Variants in EIF2B3 observed in about 807,000 individuals in gnomAD.
EIF2B3 encodes the protein translation initiation factor eIF2B subunit gamma.
Under a neutral mutation model 54.1 loss-of-function variants are expected in EIF2B3, and 20 were observed. That is an observed-to-expected ratio of 0.37 (90% CI 0.26 to 0.54). The LOEUF (loss-of-function observed/expected upper bound fraction) is 0.54. Among genes scored for constraint, EIF2B3 ranks in the 20% least tolerant of loss-of-function variants. EIF2B3 has a pLI of 0.86. For missense variants in EIF2B3, 448 were observed against 547.8 expected, an observed-to-expected ratio of 0.82 and a Z score of 1.82; for synonymous variants, 153 against 188.1, an observed-to-expected ratio of 0.81 and a Z score of 1.52.
chr1:44,964,546 C>T (rs11211059), intron 3 of EIF2B3, among the ~76,000 whole-genome samples: 33,743 of 152,136 alleles, frequency 0.22, 4,078 homozygotes, highest in Admixed American at 0.32. Context: ...TTCTAATAAG[C>T]TGTCTCCAGC....
chr1:44,872,282 C>T (rs1654990869), intron 10 of EIF2B3, among the ~76,000 whole-genome samples: 1 of 152,146 alleles, frequency 6.6e-6, no homozygotes, highest in African/African-American at 2.4e-5. Flanking sequence ...ATCTGCCCAC[C>T]TCGACCTTCC....
chr1:44,971,834 C>T (rs547526468), intron 3 of EIF2B3, among the ~76,000 whole-genome samples: 1 of 151,790 alleles, frequency 6.6e-6, no homozygotes, highest in South Asian at 2.1e-4. Context: ...AGTTTGAGAC[C>T]AACCTGGCCA....
intron 3 of EIF2B3, among the ~76,000 whole-genome samples, chr1:44,976,952 A>C (rs907565557): frequency 3.3e-5 from 5 of 152,214 alleles, no homozygotes; most frequent in Non-Finnish European, 5.9e-5. Flanking sequence ...GATTTGGATA[A>C]TGGTAATCTA....
chr1:44,928,129 G>C (rs980133063), intron 4 of EIF2B3, among the ~76,000 whole-genome samples: 1 of 152,058 alleles, frequency 6.6e-6, no homozygotes, highest in African/African-American at 2.4e-5. Flanking sequence ...TCCAGCTCGG[G>C]TGACAGACCA....
intron 5 of EIF2B3, among the ~76,000 whole-genome samples, chr1:44,916,381 T>C (rs1643622482): frequency 6.6e-6 from 1 of 151,772 alleles, no homozygotes; most frequent in African/African-American, 2.4e-5. Context: ...ACCACCATGC[T>C]TGGTTATTTT....
chr1:44,864,732 G>A (rs963043358), intron 10 of EIF2B3, among the ~76,000 whole-genome samples: 2 of 152,150 alleles, frequency 1.3e-5, no homozygotes, highest in African/African-American at 2.4e-5. Context: ...GGGTGACACA[G>A]GTCCTGAGCC....
At chr1:44,930,668 T>C (rs756039257) in intron 4 of EIF2B3, among the ~76,000 whole-genome samples, 19 of 152,156 alleles carry the variant, frequency 1.2e-4, no homozygotes, top group Non-Finnish European at 1.6e-4. Context: ...GGAGGTGCAG[T>C]CTTGCTCTGT....
At chr1:44,970,216 T>C (rs1644386089) in intron 3 of EIF2B3, among the ~76,000 whole-genome samples, 1 of 152,168 alleles carries the variant, frequency 6.6e-6, no homozygotes, top group South Asian at 2.1e-4. Flanking sequence ...TATAAGCACA[T>C]GTGATGGAGG....
At chr1:44,853,046 C>T (rs11579580) in intron 11 of EIF2B3, among the ~76,000 whole-genome samples, 3 of 151,788 alleles carry the variant, frequency 2.0e-5, no homozygotes, top group Admixed American at 2.0e-4. Flanking sequence ...ATGTTATGGA[C>T]AAGTGAGGGA....
intron 5 of EIF2B3, among the ~76,000 whole-genome samples, chr1:44,921,184 T>G (rs1643731404): frequency 6.6e-6 from 1 of 152,246 alleles, no homozygotes; most frequent in Non-Finnish European, 1.5e-5. Flanking sequence ...TTTATTTGTA[T>G]GACTTCTTTT....
At chr1:44,890,619 G>A (rs916466060) in intron 6 of EIF2B3, among the ~76,000 whole-genome samples, 1 of 152,022 alleles carries the variant, frequency 6.6e-6, no homozygotes, top group African/African-American at 2.4e-5. Flanking sequence ...TTTGACTTTC[G>A]AAAATTCCTT....
At chr1:44,980,074 C>T (rs772405037) in intron 2 of EIF2B3, among the ~76,000 whole-genome samples, 11 of 152,122 alleles carry the variant, frequency 7.2e-5, no homozygotes, top group Admixed American at 1.3e-4. Context: ...GGGCCTCAGG[C>T]TTTGGCACCC....
chr1:44,943,417 T>TATCTATATCTAC (rs1261911845), intron 3 of EIF2B3, among the ~76,000 whole-genome samples: 60 of 138,158 alleles, frequency 4.3e-4, no homozygotes, highest in Non-Finnish European at 4.7e-4. Context: ...TCTATATCTA[T>TATCTATATCTAC]ATCTAAATTT....
Position 44,850,736 on chromosome 1 carries a change from C to T in EIF2B3, c.*215G>A, listed in dbSNP as rs974256615. 3 of 604,154 alleles carry T rather than the reference C, an allele frequency of 5.0e-6. No homozygotes were observed. The highest frequency in any genetic ancestry group is 1.9e-5 in the African/African-American group (1 of 53,830). 37.4% of individuals were successfully genotyped at this position (604,154 alleles called of 1,614,324 possible). On this transcript the variant is annotated 3_prime_UTR_variant, in exon 12 of 12. Coordinates refer to ENST00000360403, the MANE Select transcript of EIF2B3 (RefSeq NM_020365.5). ...GCCACTGTATCTGTCCTGTCCCACACACTTGCTCCAGATGATCTTTACCAC... is the reference window on the plus strand; with the variant it reads ...GCCACTGTATCTGTCCTGTCCCACATACTTGCTCCAGATGATCTTTACCAC...
rs1557696875 is a variant in EIF2B3, at chr1:44,942,394, TATATATATATATATATA to T, written c.295-746_295-730del. Among the ~76,000 whole-genome samples, 3 of 16,784 alleles carry T rather than the reference TATATATATATATATATA, an allele frequency of 1.8e-4. 1 individual carries two copies. The highest frequency in any genetic ancestry group is 4.8e-3 in the East Asian group (2 of 416). The allele number at this position is 16,784 out of a possible 152,430, so 11.0% of individuals were successfully genotyped here. On this transcript the variant is annotated intron_variant, in intron 3 of 11. Coordinates refer to ENST00000360403, the MANE Select transcript of EIF2B3 (RefSeq NM_020365.5). Reference sequence around the variant, plus strand: ...TTCTGATTTTATATATATATATATATATATATATATATATATATATATATTTTTTTTTTTTTTTTTTT... The same window carrying T: ...TTCTGATTTTATATATATATATATATTATATATTTTTTTTTTTTTTTTTTT...
intron 3 of EIF2B3, chr1:44,958,567 G>A: frequency 7.0e-7 from 1 of 1,421,386 alleles, no homozygotes; most frequent in South Asian, 1.2e-5. Context: ...ATGTCTTTGT[G>A]TGAAGACATG....
At chr1:44,937,878 C>T (rs1444240911) in intron 4 of EIF2B3, among the ~76,000 whole-genome samples, 2 of 84,150 alleles carry the variant, frequency 2.4e-5, no homozygotes, top group African/African-American at 9.8e-5. Flanking sequence ...AGCGAGACTC[C>T]GTCTCAAAAA....
chr1:44,919,060 G>A lies in EIF2B3; in HGVS notation c.566+7568C>T, dbSNP rs566954178. Among the ~76,000 whole-genome samples, 3 of 152,162 alleles carry A rather than the reference G, an allele frequency of 2.0e-5. No individual in the cohort carries two copies. The East Asian group carries it at 5.8e-4, about 29-fold the overall frequency. On this transcript the variant is annotated intron_variant, in intron 5 of 11. Transcript: ENST00000360403. ...CATTAGTATGCATATTTAAATATTA[G>A]TTACAGGCCGGGCTCAGTGGCTAAT...
intron 5 of EIF2B3, among the ~76,000 whole-genome samples, chr1:44,902,399 C>T (rs540845631): frequency 1.9e-4 from 29 of 152,162 alleles, no homozygotes; most frequent in African/African-American, 6.7e-4. Context: ...GAGAGCTGCC[C>T]TCTTAGACCA....
Sources: gnomAD v4.1 joint callset for allele counts (sites outside exome capture counted in the v4.1 genomes callset) on GRCh38, gnomAD v4.1.1 for gene constraint, MANE v1.5 for transcripts, NCBI Gene and HGNC (gene_info 2026-07-23, HGNC 2026-07-21) for gene names.